The following FUT2 variants were observed in gnomAD, a reference collection of about 807,000 sequenced individuals.
The protein encoded by FUT2 is galactoside alpha-(1,2)-fucosyltransferase 2.
For missense variants in FUT2, 419 were observed against 465.8 expected, an observed-to-expected ratio of 0.90 and a Z score of 0.93; for synonymous variants, 182 against 193.1, an observed-to-expected ratio of 0.94 and a Z score of 0.48.
chr19:48,697,702 G>A (rs1268935750), intron 1 of FUT2, among the ~76,000 whole-genome samples: 1 of 151,912 alleles, frequency 6.6e-6, no homozygotes, highest in East Asian at 2.0e-4. Flanking sequence ...TGTTGTTGTT[G>A]TATCTTTTTG....
chr19:48,697,439 G>T (rs1490687989), intron 1 of FUT2, among the ~76,000 whole-genome samples: 2 of 151,694 alleles, frequency 1.3e-5, no homozygotes, highest in Non-Finnish European at 2.9e-5. Flanking sequence ...TGAGGAAGGA[G>T]AACAGAGGAC....
intron 1 of FUT2, among the ~76,000 whole-genome samples, chr19:48,701,703 G>T (rs539103806): frequency 6.6e-6 from 1 of 151,920 alleles, no homozygotes; most frequent in Non-Finnish European, 1.5e-5. Flanking sequence ...AACAAAAGAT[G>T]AACATCTTGG....
chr19:48,704,151 G>A lies in FUT2; in HGVS notation c.*163G>A. ...TCTCAGTGAACAGTGGCCTGGCGTGGTGGCTCATGCCTGTAATGCTCGCAC... is the reference window on the plus strand; with the variant it reads ...TCTCAGTGAACAGTGGCCTGGCGTGATGGCTCATGCCTGTAATGCTCGCAC... On this transcript the variant is annotated 3_prime_UTR_variant, in exon 2 of 2. Coordinates refer to ENST00000425340, the MANE Select transcript of FUT2 (RefSeq NM_000511.6). 1 of 781,736 alleles carries A rather than the reference G, an allele frequency of 1.3e-6. No individual in the cohort carries two copies. Among genetic ancestry groups the A allele is most frequent in the Non-Finnish European group, 2.2e-6 (1 of 454,336 alleles). The allele number at this position is 781,736 out of a possible 1,614,324, so 48.4% of individuals were successfully genotyped here.
At chr19:48,702,913 T>G in intron 1 of FUT2, 42 bp from the exon 2 acceptor site, 1 of 1,603,920 alleles carries the variant, frequency 6.2e-7, no homozygotes. Flanking sequence ...GCCCCGGGCC[T>G]CCATCTCCCA....
chr19:48,704,706 T>G lies in FUT2; in HGVS notation c.*718T>G. ...AGAGGCTCGTTCTTGTCTTGGTCCC[T>G]TTTGAAGAATGAATGAAACCTTCCT... is the stretch of plus-strand genomic sequence containing the variant. On this transcript the variant is annotated 3_prime_UTR_variant, in exon 2 of 2. Transcript: ENST00000425340. 1 of 413,756 alleles carries G rather than the reference T, an allele frequency of 2.4e-6. No individual in the cohort carries two copies. The highest frequency in any genetic ancestry group is 4.4e-6 in the Non-Finnish European group (1 of 226,474). The allele number at this position is 413,756 out of a possible 1,614,324, so 25.6% of individuals were successfully genotyped here.
chr19:48,697,729 T>A (rs868290803), intron 1 of FUT2, among the ~76,000 whole-genome samples: 6 of 151,974 alleles, frequency 3.9e-5, no homozygotes, highest in African/African-American at 1.4e-4. Context: ...ATTTTTGCTC[T>A]TGTTGCCCAG....
At position 48,703,393 on chromosome 19, in the gene FUT2, G is replaced by A. The variant is rs781148116; in HGVS notation, c.437G>A (p.Arg146His). 47 of 1,612,946 alleles carry A rather than the reference G, an allele frequency of 2.9e-5. No homozygotes were observed. Among genetic ancestry groups the A allele is most frequent in the African/African-American group, 8.0e-5 (6 of 74,910 alleles). Residue 146 changes from arginine to histidine, a missense_variant, in exon 2 of 2, where the codon CGC becomes CAC. Arg to His is a conservative substitution (Grantham distance 29). Transcript: ENST00000425340. ...EYRHIPGEYVRFTGYPCSWTF... is the reference protein window; with the variant it reads ...EYRHIPGEYVHFTGYPCSWTF... ...CGCCACATCCCGGGGGAGTACGTCCGCTTCACCGGCTACCCCTGCTCCTGG... is the reference window on the plus strand; with the variant it reads ...CGCCACATCCCGGGGGAGTACGTCCACTTCACCGGCTACCCCTGCTCCTGG...
intron 1 of FUT2, among the ~76,000 whole-genome samples, chr19:48,700,500 T>A (rs941934877): frequency 6.6e-5 from 10 of 151,856 alleles, no homozygotes; most frequent in Non-Finnish European, 1.2e-4. Context: ...CTAATTTTTT[T>A]ATATATATTT....
intron 1 of FUT2, among the ~76,000 whole-genome samples, chr19:48,698,469 C>T (rs1465592726): frequency 2.0e-5 from 3 of 151,508 alleles, no homozygotes; most frequent in Admixed American, 6.6e-5. Flanking sequence ...CTGACTCTGT[C>T]GCCCAGGCTG....
In FUT2 at chr19:48,705,113, T is replaced by TA; in HGVS notation, c.*1125_*1126insA. On this transcript the variant is annotated 3_prime_UTR_variant, in exon 2 of 2. Transcript: ENST00000425340. ...CTGTTTTCTTTTCTTTTTCTTTTCT[T>TA]TTTTTTTTTTTTTTTGAGATGGAGT... is the stretch of plus-strand genomic sequence containing the variant. 1 of 182,532 alleles carries TA rather than the reference T, an allele frequency of 5.5e-6. No individual in the cohort carries two copies. Among genetic ancestry groups the TA allele is most frequent in the East Asian group, 1.0e-4 (1 of 9,594 alleles). The allele number at this position is 182,532 out of a possible 1,614,324, so 11.3% of individuals were successfully genotyped here.
In FUT2 at chr19:48,705,101, TTTTTCTTTTC is replaced by T; in HGVS notation, c.*1118_*1127del. Reference sequence around the variant, plus strand: ...CCAGAGAGCTCACTGTTTTCTTTTCTTTTTCTTTTCTTTTTTTTTTTTTTTTTGAGATGGA... The same window carrying T: ...CCAGAGAGCTCACTGTTTTCTTTTCTTTTTTTTTTTTTTTTTTGAGATGGA... On this transcript the variant is annotated 3_prime_UTR_variant, in exon 2 of 2. Coordinates refer to ENST00000425340, the MANE Select transcript of FUT2 (RefSeq NM_000511.6). 4.0e-6 allele frequency: 1 copy of T among 249,464 alleles called. No homozygotes were observed. The highest frequency in any genetic ancestry group is 3.0e-5 in the African/African-American group (1 of 33,260). The allele number at this position is 249,464 out of a possible 1,614,324, so 15.5% of individuals were successfully genotyped here.
intron 1 of FUT2, among the ~76,000 whole-genome samples, chr19:48,699,384 G>C (rs927638135): frequency 2.0e-5 from 3 of 151,984 alleles, no homozygotes; most frequent in African/African-American, 7.2e-5. Flanking sequence ...TTTTAGTAGA[G>C]AAGGGGTTTC....
intron 1 of FUT2, among the ~76,000 whole-genome samples, chr19:48,696,830 A>G (rs2032420127): frequency 6.6e-6 from 1 of 152,044 alleles, no homozygotes; most frequent in African/African-American, 2.4e-5. Context: ...AAAGGCTTTC[A>G]GAGCTGGGGG....
rs1271586564 is a variant in FUT2, at chr19:48,703,263, C to T, written c.307C>T (p.Leu103=). The change falls in exon 2 of 2, where the codon CTG becomes TTG. Residue 103 remains leucine, a synonymous_variant. Transcript: ENST00000425340. The part of the protein sequence containing the change: ...AFIPAQMHST[L]APIFRITLPV... ...CATCCCGGCCCAGATGCACAGCACC[C>T]TGGCCCCCATCTTCAGAATCACCCT... 6.2e-7 allele frequency: 1 copy of T among 1,613,076 alleles called. No homozygotes were observed. The highest frequency in any genetic ancestry group is 1.3e-5 in the African/African-American group (1 of 75,050).
At chr19:48,701,468 C>T (rs569862569) in intron 1 of FUT2, among the ~76,000 whole-genome samples, 109 of 151,978 alleles carry the variant, frequency 7.2e-4, no homozygotes, top group African/African-American at 2.5e-3. Flanking sequence ...CGTGAGCCAC[C>T]GCGCCCGGCC....
At chr19:48,696,368 C>T (rs1490166450) in intron 1 of FUT2, 1 of 152,676 alleles carries the variant, frequency 6.5e-6, no homozygotes, top group Non-Finnish European at 1.5e-5. Flanking sequence ...TTCTCCACCC[C>T]GGGCCACCAG....
Position 48,705,123 on chromosome 19 carries a change from T to TTTTTTTTTTTTTTTTTTTTTG in FUT2, c.*1140_*1141insTTTTTTTTTTTTTTTGTTTTT, listed in dbSNP as rs2032617339. ...TTCTTTTTCTTTTCTTTTTTTTTTTTTTTTTGAGATGGAGTCTTGCTGCAT... is the reference window on the plus strand; with the variant it reads ...TTCTTTTTCTTTTCTTTTTTTTTTTTTTTTTTTTTTTTTTTTTTTTGTTTTTGAGATGGAGTCTTGCTGCAT... On this transcript the variant is annotated 3_prime_UTR_variant, in exon 2 of 2. Transcript: ENST00000425340. 1 of 235,126 alleles carries TTTTTTTTTTTTTTTTTTTTTG rather than the reference T, an allele frequency of 4.3e-6. No homozygotes were observed. 14.6% of individuals were successfully genotyped at this position (235,126 alleles called of 1,614,324 possible). A position where few individuals can be genotyped will look rare whatever the true frequency, so the allele number is the denominator to read the frequency against.
intron 1 of FUT2, among the ~76,000 whole-genome samples, chr19:48,696,868 A>G (rs2032420957): frequency 6.6e-6 from 1 of 151,886 alleles, no homozygotes; most frequent in Non-Finnish European, 1.5e-5. Flanking sequence ...GTGAGCGGAG[A>G]GCTGGGTTAT....
At chr19:48,697,820 A>G (rs1601233127) in intron 1 of FUT2, among the ~76,000 whole-genome samples, 1 of 151,856 alleles carries the variant, frequency 6.6e-6, no homozygotes, top group East Asian at 2.0e-4. Context: ...TCAGCCTCCC[A>G]AGTAGCTGAG....
Sources: gnomAD v4.1 joint callset for allele counts (sites outside exome capture counted in the v4.1 genomes callset) on GRCh38, gnomAD v4.1.1 for gene constraint, MANE v1.5 for transcripts, NCBI Gene and HGNC (gene_info 2026-07-23, HGNC 2026-07-21) for gene names.